The following LRRC4C variants were observed in gnomAD, a reference collection of about 807,000 sequenced individuals.
LRRC4C encodes leucine rich repeat containing 4C.
LRRC4C carries 5 observed loss-of-function variants against 33.6 expected under a neutral mutation model. That is an observed-to-expected ratio of 0.15 (90% CI 0.08 to 0.31). The LOEUF is 0.31. Ranked by LOEUF, LRRC4C falls within the 10% of genes least tolerant of loss-of-function variation. The probability of loss-of-function intolerance (pLI) is 1.00; values close to 1 mark genes in which losing one functional copy is unlikely to be tolerated. For missense variants in LRRC4C, 560 were observed against 796.7 expected (o/e 0.70, Z 3.58); for synonymous variants, 329 against 302.0 (o/e 1.09, Z -0.93).
intron 1 of LRRC4C, among the ~76,000 whole-genome samples, chr11:41,419,056 T>C (rs1954786290): frequency 1.3e-5 from 2 of 151,910 alleles, no homozygotes; most frequent in Non-Finnish European, 2.9e-5. Context: ...GGTCTTAAGC[T>C]GAAACTGAGA....
intron 3 of LRRC4C, among the ~76,000 whole-genome samples, chr11:40,455,556 A>G (rs937679659): frequency 1.3e-5 from 2 of 152,170 alleles, no homozygotes; most frequent in Admixed American, 1.3e-4. Context: ...TTAATATTCC[A>G]TGCTTGAATT....
chr11:40,741,363 C>T (rs2136907385), intron 2 of LRRC4C, among the ~76,000 whole-genome samples: 1 of 152,052 alleles, frequency 6.6e-6, no homozygotes, highest in South Asian at 2.1e-4. Flanking sequence ...TTCTAATCTC[C>T]AACATATCAA....
chr11:40,892,840 C>A (rs2136121937), intron 2 of LRRC4C, among the ~76,000 whole-genome samples: 1 of 152,106 alleles, frequency 6.6e-6, no homozygotes, highest in East Asian at 1.9e-4. Context: ...ATAATGAAAA[C>A]ATTTTGTATA....
chr11:40,588,058 T>C lies in LRRC4C; in HGVS notation c.-270+60084A>G, dbSNP rs933352425. ...ATAGTTTCAGAAGGAATGGTACCAGTTCCTCCTTGTACCTCTGGTAGAATT... is the reference window on the plus strand; with the variant it reads ...ATAGTTTCAGAAGGAATGGTACCAGCTCCTCCTTGTACCTCTGGTAGAATT... On this transcript the variant is annotated intron_variant, in intron 3 of 6. Coordinates refer to ENST00000528697, the MANE Select transcript of LRRC4C (RefSeq NM_001258419.2). 1.4e-4 allele frequency among the ~76,000 whole-genome samples: 21 copies of C among 151,904 alleles called. No homozygotes were observed. The South Asian group carries it at 4.2e-3, about 30-fold the overall frequency.
chr11:41,176,028 A>T (rs775216771), intron 1 of LRRC4C, among the ~76,000 whole-genome samples: 3 of 151,184 alleles, frequency 2.0e-5, no homozygotes, highest in Non-Finnish European at 4.4e-5. Flanking sequence ...ATAATAGAAT[A>T]TTTTTTTTTC....
chr11:41,010,256 A>G (rs1459652136), intron 1 of LRRC4C, among the ~76,000 whole-genome samples: 1 of 152,174 alleles, frequency 6.6e-6, no homozygotes, highest in Non-Finnish European at 1.5e-5. Flanking sequence ...CAATTCCAAT[A>G]TCCAGTTGAT....
At chr11:40,467,200 T>C (rs1193814860) in intron 3 of LRRC4C, among the ~76,000 whole-genome samples, 2 of 152,152 alleles carry the variant, frequency 1.3e-5, no homozygotes, top group Non-Finnish European at 2.9e-5. Flanking sequence ...GATACTTGTA[T>C]AAGATGTGCA....
Position 41,257,066 on chromosome 11 carries a change from C to T in LRRC4C, c.-496+202365G>A, listed in dbSNP as rs151005858. On this transcript the variant is annotated intron_variant, in intron 1 of 6. Coordinates refer to ENST00000528697, the MANE Select transcript of LRRC4C (RefSeq NM_001258419.2). ...AACTTATCACTAAATATCAAACAAC[C>T]AAACCACCATGAACACCCATGAGTG... Among the ~76,000 whole-genome samples, 8 of 152,016 alleles carry T rather than the reference C, an allele frequency of 5.3e-5. No homozygotes were observed. The East Asian group carries it at 1.6e-3, about 29-fold the overall frequency.
chr11:40,235,695 A>G (rs936965682), intron 5 of LRRC4C, among the ~76,000 whole-genome samples: 4 of 152,226 alleles, frequency 2.6e-5, no homozygotes, highest in African/African-American at 4.8e-5. Flanking sequence ...ACATATCAAC[A>G]TGACACTCAT....
chr11:40,175,701 C>T (rs1371410209), intron 5 of LRRC4C, among the ~76,000 whole-genome samples: 1 of 152,308 alleles, frequency 6.6e-6, no homozygotes, highest in East Asian at 1.9e-4. Context: ...CAAAGCACCA[C>T]AGCCTCCCTT....
chr11:40,533,656 T>C (rs1014740609), intron 3 of LRRC4C, among the ~76,000 whole-genome samples: 3 of 152,166 alleles, frequency 2.0e-5, no homozygotes, highest in Non-Finnish European at 4.4e-5. Context: ...GCTCACCCTC[T>C]ATTTCCAGAG....
chr11:40,796,963 A>T (rs904368365), intron 2 of LRRC4C, among the ~76,000 whole-genome samples: 3 of 152,108 alleles, frequency 2.0e-5, no homozygotes, highest in Non-Finnish European at 4.4e-5. Flanking sequence ...AGGACTTTTG[A>T]TAGACCACTA....
At chr11:40,814,076 C>T (rs188937145) in intron 2 of LRRC4C, among the ~76,000 whole-genome samples, 1 of 152,242 alleles carries the variant, frequency 6.6e-6, no homozygotes, top group Admixed American at 6.5e-5. Flanking sequence ...CACGGTTCCA[C>T]TAGGCAGTTT....
At chr11:40,669,187 A>G (rs1298480984) in intron 2 of LRRC4C, among the ~76,000 whole-genome samples, 1 of 152,304 alleles carries the variant, frequency 6.6e-6, no homozygotes, top group Middle Eastern at 3.4e-3. Flanking sequence ...TCTAATCACC[A>G]TGCCCATATC....
intron 1 of LRRC4C, among the ~76,000 whole-genome samples, chr11:41,157,919 A>G (rs1944305010): frequency 6.6e-6 from 1 of 152,078 alleles, no homozygotes. Flanking sequence ...TATACTCTTT[A>G]TTTTTAAATG....
chr11:40,393,720 A>G (rs1949427216), intron 3 of LRRC4C, among the ~76,000 whole-genome samples: 1 of 152,154 alleles, frequency 6.6e-6, no homozygotes, highest in Admixed American at 6.6e-5. Flanking sequence ...GCAGGATGCA[A>G]TGGTCCTTTA....
chr11:40,137,856 G>T (rs777488761), intron 6 of LRRC4C, among the ~76,000 whole-genome samples: 1 of 152,118 alleles, frequency 6.6e-6, no homozygotes, highest in Non-Finnish European at 1.5e-5. Flanking sequence ...GTATTAGATA[G>T]ACTTTGGGGA....
intron 2 of LRRC4C, among the ~76,000 whole-genome samples, chr11:40,775,267 G>T (rs1949940917): frequency 6.6e-6 from 1 of 151,982 alleles, no homozygotes; most frequent in South Asian, 2.1e-4. Flanking sequence ...AAAATTAGCT[G>T]GGCGTGGTGG....
At chr11:41,265,393 A>G (rs1469601201) in intron 1 of LRRC4C, among the ~76,000 whole-genome samples, 3 of 152,102 alleles carry the variant, frequency 2.0e-5, no homozygotes, top group African/African-American at 7.2e-5. Flanking sequence ...GATTGGTAAG[A>G]TTGAGAAAGC....
Sources: allele counts gnomAD v4.1 joint callset (sites outside exome capture counted in the v4.1 genomes callset), GRCh38; gene constraint gnomAD v4.1.1; transcripts MANE v1.5; gene names NCBI Gene and HGNC (gene_info 2026-07-23, HGNC 2026-07-21).